Variants in KAT6A observed in about 807,000 individuals in gnomAD.
The protein encoded by KAT6A is lysine acetyltransferase 6A.
In KAT6A, 9 loss-of-function variants were observed where a neutral mutation model predicts 198.4. The ratio of observed to expected loss-of-function variants is 0.05; its 90% confidence interval spans 0.03 to 0.08. The LOEUF is 0.08. Ranked by LOEUF, KAT6A falls within the 10% of genes least tolerant of loss-of-function variation. The pLI is 1.00. For missense variants in KAT6A, 2,077 were observed against 2,509.9 expected, an observed-to-expected ratio of 0.83 and a Z score of 3.69; for synonymous variants, 890 against 883.0, an observed-to-expected ratio of 1.01 and a Z score of -0.14.
intron 2 of KAT6A, among the ~76,000 whole-genome samples, chr8:42,021,543 C>T (rs896669352): frequency 1.3e-5 from 2 of 152,108 alleles, no homozygotes; most frequent in African/African-American, 2.4e-5. Context: ...ATTTAAAGAT[C>T]AAATAACAAG....
intron 2 of KAT6A, among the ~76,000 whole-genome samples, chr8:42,012,639 G>A (rs1220663158): frequency 6.6e-6 from 1 of 152,194 alleles, no homozygotes; most frequent in Non-Finnish European, 1.5e-5. Context: ...ACTAATTTCA[G>A]ACTTCCGACC....
In KAT6A at chr8:41,997,228, A is replaced by G. The variant is rs562374170; in HGVS notation, c.601-9665T>C. On this transcript the variant is annotated intron_variant, in intron 2 of 16. Transcript: ENST00000265713. ...AAATGAACAAAACCAATTAGTATAG[A>G]TTTTTCATATTCTCACAAATCAGAT... 2.6e-5 allele frequency among the ~76,000 whole-genome samples: 4 copies of G among 152,344 alleles called. No individual in the cohort carries two copies. In the South Asian group the frequency reaches 8.3e-4, roughly 32 times the overall value.
At chr8:42,048,312 G>A (rs1300941396) in intron 2 of KAT6A, 66 bp downstream of exon 2, 4 of 1,542,258 alleles carry the variant, frequency 2.6e-6, no homozygotes, top group East Asian at 2.3e-5. Flanking sequence ...TAACTTCCCA[G>A]AAATGTGAAT....
chr8:41,972,513 G>A (rs1006678608), intron 8 of KAT6A, among the ~76,000 whole-genome samples: 3 of 152,164 alleles, frequency 2.0e-5, no homozygotes, highest in Admixed American at 2.0e-4. Context: ...CATGCCTTCT[G>A]ATGTGACACA....
At chr8:41,935,961 T>C (rs879088714) in intron 16 of KAT6A, among the ~76,000 whole-genome samples, 2 of 152,252 alleles carry the variant, frequency 1.3e-5, no homozygotes, top group Admixed American at 1.3e-4. Flanking sequence ...ATCTTATCAC[T>C]ATATTAAAAG....
In KAT6A at chr8:41,980,945, G is replaced by A. The variant is rs747611797; in HGVS notation, c.826-18C>T. On this transcript the variant is annotated intron_variant, in intron 4 of 16. Transcript: ENST00000265713. ...ATGTTATCCTATTAGAAAAAAGAAA[G>A]GACAGTTTTGCTTAACCTTATGAAG... The A allele has an allele frequency of 6.4e-7, 1 of 1,568,652 alleles. No individual in the cohort carries two copies. The highest frequency in any genetic ancestry group is 8.8e-7 in the Non-Finnish European group (1 of 1,141,420).
At chr8:42,045,171 A>G (rs1026320235) in intron 2 of KAT6A, among the ~76,000 whole-genome samples, 1 of 152,228 alleles carries the variant, frequency 6.6e-6, no homozygotes, top group African/African-American at 2.4e-5. Flanking sequence ...AATTGAATAG[A>G]TACTATCATG....
chr8:42,045,365 A>G (rs1335708108), intron 2 of KAT6A, among the ~76,000 whole-genome samples: 1 of 152,114 alleles, frequency 6.6e-6, no homozygotes, highest in African/African-American at 2.4e-5. Context: ...GTTCGAGATG[A>G]GCCTGACCAA....
chr8:41,967,276 T>C (rs983428965), intron 8 of KAT6A, among the ~76,000 whole-genome samples: 10 of 146,372 alleles, frequency 6.8e-5, no homozygotes, highest in Non-Finnish European at 1.5e-4. Flanking sequence ...AAAAAAAAAA[T>C]TTATTTATTT....
chr8:41,957,264 C>G (rs775417621), intron 8 of KAT6A: 1 of 566,068 alleles, frequency 1.8e-6, no homozygotes, highest in Admixed American at 1.9e-5. Flanking sequence ...CCTGCACATG[C>G]GCTCATGTGT....
chr8:41,953,275 C>T (rs1822755148), intron 9 of KAT6A, among the ~76,000 whole-genome samples: 1 of 152,096 alleles, frequency 6.6e-6, no homozygotes. Flanking sequence ...ATTTCCTCTC[C>T]CCACCTTGAG....
At chr8:41,961,311 C>T (rs560699080) in intron 8 of KAT6A, among the ~76,000 whole-genome samples, 11 of 152,352 alleles carry the variant, frequency 7.2e-5, no homozygotes, top group Admixed American at 4.6e-4. Flanking sequence ...CCACGGCTTC[C>T]GTTTGTGCAT....
chr8:42,005,763 TACACACAC>T (rs142174569), intron 2 of KAT6A, among the ~76,000 whole-genome samples: 13,624 of 142,098 alleles, frequency 0.096, 911 homozygotes, highest in East Asian at 0.25. Context: ...TGCAAGCAAA[TACACACAC>T]ACACACACAC....
chr8:42,048,082 T>A (rs1802405174), intron 2 of KAT6A, among the ~76,000 whole-genome samples: 1 of 151,404 alleles, frequency 6.6e-6, no homozygotes, highest in African/African-American at 2.4e-5. Flanking sequence ...AGCAAAATAA[T>A]AAAAAAAAAT....
intron 2 of KAT6A, among the ~76,000 whole-genome samples, chr8:42,032,943 C>G (rs1387520262): frequency 7.9e-6 from 1 of 126,716 alleles, no homozygotes; most frequent in Admixed American, 1.0e-4. Context: ...CAGTGGTGGT[C>G]ATCTCAGCTC....
At position 41,937,371 on chromosome 8, in the gene KAT6A, A is replaced by T; in HGVS notation, c.3237T>A (p.Leu1079=). The T allele has an allele frequency of 6.2e-7, 1 of 1,614,126 alleles. No homozygotes were observed. Among genetic ancestry groups the T allele is most frequent in the Non-Finnish European group, 8.5e-7 (1 of 1,179,992 alleles). Residue 1079 remains leucine (L), a synonymous_variant, in exon 16 of 17, where the codon CTT becomes CTA. Coordinates refer to ENST00000265713, the MANE Select transcript of KAT6A (RefSeq NM_006766.5). The part of the protein sequence containing the change: ...EEEEEEDENE[L]FPREYFRRLS... The stretch of plus-strand genomic sequence containing the variant: ...AACGACGGAAGTATTCTCTAGGGAA[A>T]AGTTCATTTTCATCCTCTTCCTCCT...
At chr8:42,005,618 G>T (rs879778923) in intron 2 of KAT6A, among the ~76,000 whole-genome samples, 5 of 152,164 alleles carry the variant, frequency 3.3e-5, no homozygotes, top group Non-Finnish European at 7.3e-5. Flanking sequence ...AATGTCACCA[G>T]ATCCAGAGAG....
At chr8:42,023,351 T>A (rs1293632348) in intron 2 of KAT6A, among the ~76,000 whole-genome samples, 3 of 152,116 alleles carry the variant, frequency 2.0e-5, no homozygotes, top group Non-Finnish European at 4.4e-5. Context: ...TGGAAAAAAA[T>A]TTCTATCTTC....
At chr8:42,001,465 T>C (rs935486815) in intron 2 of KAT6A, among the ~76,000 whole-genome samples, 1 of 152,220 alleles carries the variant, frequency 6.6e-6, no homozygotes, top group African/African-American at 2.4e-5. Context: ...AAAGGCAACA[T>C]GGTCAAGGGA....
Sources: gnomAD v4.1 joint callset for allele counts (sites outside exome capture counted in the v4.1 genomes callset) on GRCh38, gnomAD v4.1.1 for gene constraint, MANE v1.5 for transcripts, NCBI Gene and HGNC (gene_info 2026-07-23, HGNC 2026-07-21) for gene names.